TTC28: variants seen among roughly 807,000 people sequenced by gnomAD.
The protein encoded by TTC28 is tetratricopeptide repeat domain 28, also known as tetratricopeptide repeat protein 28.
TTC28 carries 61 observed loss-of-function variants against 198.0 expected under a neutral mutation model. The ratio of observed to expected loss-of-function variants is 0.31; its 90% CI spans 0.25 to 0.38. TTC28 has a LOEUF of 0.38. Ranked by LOEUF, TTC28 falls within the 10% of genes least tolerant of loss-of-function variation. The pLI is 1.00. For synonymous variants in TTC28, 1,171 were observed against 1,297.8 expected (o/e 0.90, Z 2.10); for missense variants, 2,678 against 3,164.0 (o/e 0.85, Z 3.69).
chr22:28,329,298 G>A (rs988690058), intron 2 of TTC28, among the ~76,000 whole-genome samples: 1 of 151,980 alleles, frequency 6.6e-6, no homozygotes, highest in Admixed American at 6.6e-5. Context: ...CCAATAAATA[G>A]GACTTGATGC....
chr22:28,069,064 G>A (rs994944809), intron 12 of TTC28, among the ~76,000 whole-genome samples: 7 of 152,158 alleles, frequency 4.6e-5, no homozygotes, highest in African/African-American at 1.7e-4. Flanking sequence ...TCCAGAAGAG[G>A]AGGACAAAAG....
chr22:28,471,117 C>G (rs1194310604), intron 2 of TTC28, among the ~76,000 whole-genome samples: 2 of 152,182 alleles, frequency 1.3e-5, no homozygotes, highest in Admixed American at 6.5e-5. Context: ...TTTCATCTTT[C>G]AACGCTTGGA....
chr22:28,389,949 A>G (rs1268976446), intron 2 of TTC28, among the ~76,000 whole-genome samples: 40 of 151,726 alleles, frequency 2.6e-4, no homozygotes, highest in Middle Eastern at 3.4e-3. Flanking sequence ...TGTCAATTTT[A>G]GATCTTTCCT....
chr22:28,571,237 T>C (rs1177486557), intron 2 of TTC28, among the ~76,000 whole-genome samples: 1 of 152,204 alleles, frequency 6.6e-6, no homozygotes, highest in Non-Finnish European at 1.5e-5. Flanking sequence ...GCACCACTTC[T>C]ACCCGACTAA....
At chr22:28,585,133 T>C (rs1450869846) in intron 2 of TTC28, among the ~76,000 whole-genome samples, 2 of 152,210 alleles carry the variant, frequency 1.3e-5, no homozygotes, top group Non-Finnish European at 2.9e-5. Flanking sequence ...CAGAGACTAG[T>C]TTTGTGAAAG....
Position 28,670,704 on chromosome 22 carries a change from C to CATATATATATATAT in TTC28, c.102+8904_102+8917dup, listed in dbSNP as rs146059811. On this transcript the variant is annotated intron_variant, in intron 1 of 22. Transcript: ENST00000397906. Reference sequence around the variant, plus strand: ...AACAATTGTTTTGATGTCTTTAGGGCATATATATATATATATATATGAGTG... The same window carrying CATATATATATATAT: ...AACAATTGTTTTGATGTCTTTAGGGCATATATATATATATATATATATATATATATATATGAGTG... 1.2e-3 allele frequency among the ~76,000 whole-genome samples: 155 copies of CATATATATATATAT among 128,576 alleles called. 5 individuals carry two copies. Among genetic ancestry groups the CATATATATATATAT allele is most frequent in the African/African-American group, 1.4e-3 (48 of 34,066 alleles). 84.4% of individuals were successfully genotyped at this position (128,576 alleles called of 152,430 possible). A position where few individuals can be genotyped will look rare whatever the true frequency, so the allele number is the denominator to read the frequency against.
intron 2 of TTC28, among the ~76,000 whole-genome samples, chr22:28,396,056 ATTCCACATT>A (rs1254996823): frequency 1.3e-5 from 2 of 152,218 alleles, no homozygotes; most frequent in African/African-American, 4.8e-5. Context: ...TCTTCCCATT[ATTCCACATT>A]GCTCCCCTCT....
At chr22:28,154,452 T>C (rs764882881) in intron 6 of TTC28, among the ~76,000 whole-genome samples, 2 of 151,606 alleles carry the variant, frequency 1.3e-5, no homozygotes, top group Non-Finnish European at 2.9e-5. Flanking sequence ...CCCAGGTTCA[T>C]GCCATTCTCC....
At chr22:28,146,486 G>A (rs1253119409) in intron 6 of TTC28, among the ~76,000 whole-genome samples, 1 of 152,220 alleles carries the variant, frequency 6.6e-6, no homozygotes, top group East Asian at 1.9e-4. Context: ...TCGCCGGATG[G>A]TGCCACAAAC....
chr22:28,096,431 G>A (rs570768194), intron 10 of TTC28, 23 bp from the exon 11 acceptor site: 10 of 1,549,542 alleles, frequency 6.5e-6, no homozygotes, highest in African/African-American at 4.1e-5. Flanking sequence ...GAGATATGCC[G>A]AGGAGTCCAT....
At chr22:28,301,617 C>A (rs1315867242) in intron 3 of TTC28, among the ~76,000 whole-genome samples, 1 of 152,128 alleles carries the variant, frequency 6.6e-6, no homozygotes, top group Non-Finnish European at 1.5e-5. Context: ...GGATTTAATA[C>A]CTCTGAAATC....
rs192933300 is a variant in TTC28 at position 28,036,917 on chromosome 22, T to C, written c.3933-6551A>G. On this transcript the variant is annotated intron_variant, in intron 12 of 22. Coordinates refer to ENST00000397906, the MANE Select transcript of TTC28 (RefSeq NM_001145418.2). Reference sequence around the variant, plus strand: ...CTCTACGCAAATAAACTAGAAAATCTAGAAGAAATGGATAAATTCCTCGAC... The same window carrying C: ...CTCTACGCAAATAAACTAGAAAATCCAGAAGAAATGGATAAATTCCTCGAC... Among the ~76,000 whole-genome samples the C allele has an allele frequency of 1.8e-3, 277 of 152,266 alleles. 2 individuals carry two copies. The highest frequency in any genetic ancestry group is 6.4e-3 in the African/African-American group (268 of 41,552).
intron 2 of TTC28, among the ~76,000 whole-genome samples, chr22:28,335,253 T>C (rs1330479089): frequency 6.6e-6 from 1 of 152,244 alleles, no homozygotes; most frequent in Admixed American, 6.5e-5. Flanking sequence ...TTTTGGTTAC[T>C]GTAGCCTTGT....
intron 2 of TTC28, among the ~76,000 whole-genome samples, chr22:28,320,567 A>G (rs571767398): frequency 2.6e-5 from 4 of 152,320 alleles, no homozygotes; most frequent in African/African-American, 9.6e-5. Flanking sequence ...CCTTTTTAAA[A>G]TATGATTTTC....
intron 2 of TTC28, among the ~76,000 whole-genome samples, chr22:28,435,260 T>C (rs117573249): frequency 0.017 from 2,541 of 152,270 alleles, 31 homozygotes; most frequent in Non-Finnish European, 0.026. Context: ...ATACTCTAAA[T>C]GGCAAAATGT....
intron 5 of TTC28, among the ~76,000 whole-genome samples, chr22:28,243,770 A>G (rs894673979): frequency 2.6e-5 from 4 of 152,150 alleles, no homozygotes; most frequent in Non-Finnish European, 5.9e-5. Flanking sequence ...AAAAGGTAAA[A>G]GGAGTGGAAG....
At chr22:28,225,138 C>T (rs531438024) in intron 5 of TTC28, among the ~76,000 whole-genome samples, 1 of 151,828 alleles carries the variant, frequency 6.6e-6, no homozygotes, top group South Asian at 2.1e-4. Context: ...TTTGGGAGGC[C>T]GAGGTCAGGA....
intron 1 of TTC28, among the ~76,000 whole-genome samples, chr22:28,655,727 T>C (rs1601669959): frequency 6.6e-6 from 1 of 151,992 alleles, no homozygotes; most frequent in Non-Finnish European, 1.5e-5. Flanking sequence ...GGCGGGCGCC[T>C]GTAGTCCCCG....
chr22:28,631,999 C>T (rs1292120897), intron 1 of TTC28, among the ~76,000 whole-genome samples: 2 of 152,014 alleles, frequency 1.3e-5, no homozygotes, highest in African/African-American at 4.8e-5. Flanking sequence ...AAGTCCAGTA[C>T]CTCCATTCAG....
Sources: gnomAD v4.1 joint callset for allele counts (sites outside exome capture counted in the v4.1 genomes callset) on GRCh38, gnomAD v4.1.1 for gene constraint, MANE v1.5 for transcripts, NCBI Gene and HGNC (gene_info 2026-07-23, HGNC 2026-07-21) for gene names.